RANBP9: variants seen among roughly 807,000 people sequenced by gnomAD.
RANBP9 encodes the protein RAN binding protein 9.
Under a neutral mutation model 84.3 loss-of-function variants are expected in RANBP9, and 15 were observed. The ratio of observed to expected loss-of-function variants is 0.18; its 90% CI spans 0.12 to 0.27. The LOEUF (loss-of-function observed/expected upper bound fraction) is 0.27, where lower values mean the gene tolerates loss of function less well. Among genes scored for constraint, RANBP9 ranks in the 10% least tolerant of loss-of-function variants. The probability of loss-of-function intolerance (pLI) is 1.00; values close to 1 mark genes in which losing one functional copy is unlikely to be tolerated. For missense variants in RANBP9, 809 were observed against 912.8 expected (o/e 0.89, Z 1.46); for synonymous variants, 392 against 349.6 (o/e 1.12, Z -1.35).
chr6:13,626,645 T>C (rs1764613510), intron 12 of RANBP9, among the ~76,000 whole-genome samples: 1 of 152,168 alleles, frequency 6.6e-6, no homozygotes, highest in Non-Finnish European at 1.5e-5. Flanking sequence ...AATAGAGAAA[T>C]TCAGAACACT....
chr6:13,626,603 C>A (rs1019811100), intron 12 of RANBP9, among the ~76,000 whole-genome samples: 2 of 152,098 alleles, frequency 1.3e-5, no homozygotes, highest in Non-Finnish European at 2.9e-5. Flanking sequence ...AAGTCAATAC[C>A]CTAATCCAGA....
intron 2 of RANBP9, among the ~76,000 whole-genome samples, chr6:13,684,202 T>C (rs1327226905): frequency 6.6e-6 from 1 of 152,202 alleles, no homozygotes; most frequent in Non-Finnish European, 1.5e-5. Flanking sequence ...GATATAGCAG[T>C]AAACAAAACA....
chr6:13,631,129 A>G (rs191328877), intron 12 of RANBP9, among the ~76,000 whole-genome samples: 110 of 152,210 alleles, frequency 7.2e-4, no homozygotes, highest in African/African-American at 2.6e-3. Flanking sequence ...TTTAAATTAA[A>G]CTTGTTTCAA....
intron 2 of RANBP9, among the ~76,000 whole-genome samples, chr6:13,668,120 A>T (rs561433865): frequency 1.3e-5 from 2 of 152,114 alleles, no homozygotes; most frequent in Non-Finnish European, 2.9e-5. Context: ...TTACAAGAGT[A>T]TTACTACTAA....
intron 2 of RANBP9, among the ~76,000 whole-genome samples, chr6:13,680,847 CA>C (rs1766018732): frequency 6.6e-6 from 1 of 151,588 alleles, no homozygotes; most frequent in Non-Finnish European, 1.5e-5. Context: ...TGGTCACAAG[CA>C]AATAGTTTGA....
intron 7 of RANBP9, among the ~76,000 whole-genome samples, chr6:13,641,515 ATT>A (rs60315436): frequency 1.3e-5 from 2 of 151,382 alleles, no homozygotes; most frequent in East Asian, 1.9e-4. Flanking sequence ...ACGGTCACAA[ATT>A]TTTTTTTTAA....
At chr6:13,710,168 T>G (rs1409441667) in intron 1 of RANBP9, among the ~76,000 whole-genome samples, 1 of 152,184 alleles carries the variant, frequency 6.6e-6, no homozygotes, top group Non-Finnish European at 1.5e-5. Flanking sequence ...AGGTTGTTGT[T>G]TTTAACTGCA....
chr6:13,646,433 A>G (rs959630865), intron 5 of RANBP9, among the ~76,000 whole-genome samples: 2 of 152,106 alleles, frequency 1.3e-5, no homozygotes, highest in African/African-American at 2.4e-5. Flanking sequence ...CAGAAACAAA[A>G]CAAAACAAAA....
At chr6:13,649,270 CAA>C (rs531635061) in intron 5 of RANBP9, among the ~76,000 whole-genome samples, 164 of 152,168 alleles carry the variant, frequency 1.1e-3, no homozygotes, top group Non-Finnish European at 2.4e-4. Context: ...ATTGTTACAA[CAA>C]AGTTGCACAT....
chr6:13,702,858 C>G (rs1758009890), intron 1 of RANBP9, among the ~76,000 whole-genome samples: 1 of 152,222 alleles, frequency 6.6e-6, no homozygotes, highest in South Asian at 2.1e-4. Context: ...TTTCAACCCA[C>G]TGAAATCTGG....
At chr6:13,662,865 T>C (rs979366973) in intron 2 of RANBP9, among the ~76,000 whole-genome samples, 16 of 151,924 alleles carry the variant, frequency 1.1e-4, no homozygotes, top group African/African-American at 3.9e-4. Flanking sequence ...AATGGCAGAC[T>C]GAAGATGGCA....
At chr6:13,660,371 C>T (rs1765512481) in intron 2 of RANBP9, among the ~76,000 whole-genome samples, 1 of 151,906 alleles carries the variant, frequency 6.6e-6, no homozygotes, top group African/African-American at 2.4e-5. Context: ...CAGTTGTGTG[C>T]GGTGGTGCAC....
intron 10 of RANBP9, among the ~76,000 whole-genome samples, chr6:13,635,417 A>T (rs376251977): frequency 2.0e-5 from 3 of 152,294 alleles, no homozygotes; most frequent in Admixed American, 6.5e-5. Flanking sequence ...ACAATCTAGA[A>T]GTAAACACTC....
chr6:13,642,393 AT>A, intron 7 of RANBP9, 85 bp downstream of exon 7: 1 of 634,442 alleles, frequency 1.6e-6, no homozygotes. Flanking sequence ...AATTTTTTTA[AT>A]TAAAAAAACA....
intron 1 of RANBP9, among the ~76,000 whole-genome samples, chr6:13,701,721 CGTT>C (rs1757977116): frequency 6.6e-6 from 1 of 151,324 alleles, no homozygotes; most frequent in Non-Finnish European, 1.5e-5. Context: ...AGTGACCCGA[CGTT>C]GTACCACTGC....
At chr6:13,633,948 GTT>G (rs57985370) in intron 11 of RANBP9, among the ~76,000 whole-genome samples, 1,737 of 148,426 alleles carry the variant, frequency 0.012, 14 homozygotes, top group Non-Finnish European at 0.017. Context: ...TGGTGGTGGG[GTT>G]TTTTTTTTTG....
intron 13 of RANBP9, among the ~76,000 whole-genome samples, chr6:13,622,765 T>G (rs1015532661): frequency 6.6e-6 from 1 of 152,164 alleles, no homozygotes; most frequent in Admixed American, 6.5e-5. Flanking sequence ...CCATATTAAC[T>G]ATGATGGGAA....
intron 8 of RANBP9, among the ~76,000 whole-genome samples, chr6:13,640,545 G>C (rs1320428449): frequency 6.6e-6 from 1 of 152,142 alleles, no homozygotes; most frequent in Admixed American, 6.5e-5. Context: ...ACAAAATGCA[G>C]TATTATCCAA....
chr6:13,710,749 G>A (rs1014811120), intron 1 of RANBP9, among the ~76,000 whole-genome samples, 186 bp downstream of exon 1: 3 of 152,076 alleles, frequency 2.0e-5, no homozygotes, highest in Non-Finnish European at 4.4e-5. Flanking sequence ...CAAGAATCTC[G>A]CCCCTCACCC....
Sources: allele counts gnomAD v4.1 joint callset (sites outside exome capture counted in the v4.1 genomes callset), GRCh38; gene constraint gnomAD v4.1.1; transcripts MANE v1.5; gene names NCBI Gene and HGNC (gene_info 2026-07-23, HGNC 2026-07-21).